RERE: variants seen among roughly 807,000 people sequenced by gnomAD.
RERE encodes the protein arginine-glutamic acid dipeptide repeats protein.
A neutral mutation model predicts 146.1 loss-of-function variants in RERE; 40 were observed. That is an observed-to-expected ratio of 0.27 (90% CI 0.21 to 0.36). The LOEUF (loss-of-function observed/expected upper bound fraction) is 0.36. Ranked by LOEUF, RERE falls within the 10% of genes least tolerant of loss-of-function variation. The pLI is 1.00. For missense variants in RERE, 1,933 were observed against 2,138.7 expected (o/e 0.90, Z 1.90); for synonymous variants, 1,003 against 866.0 (o/e 1.16, Z -2.78).
At chr1:8,464,506 T>C (rs567669329) in intron 11 of RERE, among the ~76,000 whole-genome samples, 126 of 152,198 alleles carry the variant, frequency 8.3e-4, no homozygotes, top group African/African-American at 2.9e-3. Flanking sequence ...CACTCCTCTG[T>C]TCAGAAGCTG....
intron 1 of RERE, among the ~76,000 whole-genome samples, chr1:8,815,176 G>A (rs1641886856): frequency 6.6e-6 from 1 of 152,148 alleles, no homozygotes; most frequent in African/African-American, 2.4e-5. Context: ...TCCCTGTCCA[G>A]TATTCAAAGG....
rs770179844 is a variant in RERE at position 8,360,546 on chromosome 1, G to C, written c.2961C>G (p.Pro987=). ...THHPPSAHPP[P]LQLMPQSQPL... is the part of the protein sequence containing the mutation. ...GCTGGCTCTGAGGCATGAGTTGCAG[G>C]GGTGGGGGGTGAGCCGACGGGGGGT... The change falls in exon 18 of 23, where the codon CCC becomes CCG. Residue 987 remains proline (P), a synonymous_variant. Transcript: ENST00000400908. 2 of 1,001,568 alleles carry C rather than the reference G, an allele frequency of 2.0e-6. No homozygotes were observed. The highest frequency in any genetic ancestry group is 3.2e-5 in the Admixed American group (1 of 31,342). The allele number at this position is 1,001,568 out of a possible 1,614,324, so 62.0% of individuals were successfully genotyped here.
intron 10 of RERE, among the ~76,000 whole-genome samples, chr1:8,483,045 G>GC (rs1325452454): frequency 6.6e-6 from 1 of 152,110 alleles, no homozygotes; most frequent in Non-Finnish European, 1.5e-5. Context: ...TAAAACACTG[G>GC]CAACAGTGCC....
chr1:8,364,192 T>C lies in RERE; in HGVS notation c.1604A>G (p.His535Arg), dbSNP rs200873679. Residue 535 changes from histidine (H) to arginine (R), a missense_variant, in exon 15 of 23, where the codon CAC becomes CGC. This residue lies in a region of RERE where 260 missense variants were observed against 378.4 expected (regional missense o/e 0.69). Transcript: ENST00000400908. This position sits in a 1 kb window ranked among gnomAD's most constrained non-coding sequence, Gnocchi z 5.1. ...NILLCTDCRI[H>R]FKKYGELPPI... ...CGGGAGCTCACCGTATTTCTTGAAG[T>C]GGATGCGACAGTCGGTGCAAAGCAG... The C allele has an allele frequency of 6.2e-7, 1 of 1,614,116 alleles. No individual in the cohort carries two copies.
intron 8 of RERE, among the ~76,000 whole-genome samples, chr1:8,507,737 C>CTTTTTTTTTTTTTTTTTTTTTTT (rs58647657): frequency 2.3e-5 from 2 of 85,958 alleles, no homozygotes; most frequent in African/African-American, 1.0e-4. Context: ...CATCTTTTAT[C>CTTTTTTTTTTTTTTTTTTTTTTT]TTTTTTTTTT....
intron 10 of RERE, among the ~76,000 whole-genome samples, chr1:8,482,091 G>A (rs949160823): frequency 2.6e-5 from 4 of 152,006 alleles, no homozygotes; most frequent in African/African-American, 9.7e-5. Flanking sequence ...AGTCACAAAA[G>A]GCCACTTATT....
rs181433540 is a variant in RERE at position 8,726,567 on chromosome 1, C to A, written c.-144-70126G>T. 2.0e-4 allele frequency among the ~76,000 whole-genome samples: 31 copies of A among 152,304 alleles called. 1 individual carries two copies. The South Asian group carries it at 4.3e-3, about 21-fold the overall frequency. On this transcript the variant is annotated intron_variant, in intron 1 of 22. Coordinates refer to ENST00000400908, the MANE Select transcript of RERE (RefSeq NM_001042681.2). ...GTAAGCCAAATCAGAGCACTTCTTT[C>A]CAAAACTCACATTTCTACCAAACCG...
At chr1:8,371,960 C>T (rs182290830) in intron 12 of RERE, among the ~76,000 whole-genome samples, 4 of 152,346 alleles carry the variant, frequency 2.6e-5, no homozygotes, top group Non-Finnish European at 4.4e-5. Context: ...AACAGGCCAA[C>T]TTACCTGTGC....
chr1:8,798,594 A>ACAG (rs1641526737), intron 1 of RERE: 1 of 220,658 alleles, frequency 4.5e-6, no homozygotes, highest in Non-Finnish European at 9.8e-6. Flanking sequence ...GATCGCCCTT[A>ACAG]CAGCCATGCT....
At chr1:8,782,862 C>T (rs530339957) in intron 1 of RERE, among the ~76,000 whole-genome samples, 8 of 152,216 alleles carry the variant, frequency 5.3e-5, no homozygotes, top group African/African-American at 1.7e-4. Flanking sequence ...GCCAAGACTG[C>T]GCCACTACAC....
rs540581946 is a variant in RERE, at chr1:8,628,568, T to C, written c.326-4188A>G. On this transcript the variant is annotated intron_variant, in intron 2 of 22. Coordinates refer to ENST00000400908, the MANE Select transcript of RERE (RefSeq NM_001042681.2). ...ATTCAAGTCTCACAGAAAAAAATTC[T>C]ACTTTATATTACTCTTAAAAATATT... 9.7e-4 allele frequency among the ~76,000 whole-genome samples: 148 copies of C among 152,308 alleles called. 2 individuals are homozygous for C. The highest frequency in any genetic ancestry group is 3.5e-3 in the African/African-American group (146 of 41,572).
chr1:8,743,195 A>T (rs1640346579), intron 1 of RERE, among the ~76,000 whole-genome samples: 1 of 152,082 alleles, frequency 6.6e-6, no homozygotes, highest in South Asian at 2.1e-4. Context: ...CAGGAGTTTG[A>T]GACCAACCTG....
In RERE at chr1:8,354,474, A is replaced by G. The variant is rs1420877176; in HGVS notation, c.*613T>C. ...TGTCAATAGTTGGTAGGAATTCACA[A>G]TTAGTGACATGGCTGGAAAAAATAG... On this transcript the variant is annotated 3_prime_UTR_variant, in exon 23 of 23. Transcript: ENST00000400908. 1 of 152,320 alleles carries G rather than the reference A, an allele frequency of 6.6e-6. No homozygotes were observed. The highest frequency in any genetic ancestry group is 1.5e-5 in the Non-Finnish European group (1 of 68,036). 9.4% of individuals were successfully genotyped at this position (152,320 alleles called of 1,614,324 possible). A position where few individuals can be genotyped will look rare whatever the true frequency, so the allele number is the denominator to read the frequency against.
intron 4 of RERE, among the ~76,000 whole-genome samples, chr1:8,574,468 C>T (rs1332095646): frequency 6.6e-6 from 1 of 151,588 alleles, no homozygotes; most frequent in Non-Finnish European, 1.5e-5. Context: ...CCTCAGCCTC[C>T]CGAGTAGCTG....
intron 12 of RERE, among the ~76,000 whole-genome samples, chr1:8,381,796 C>G (rs1295250029): frequency 1.3e-5 from 2 of 152,178 alleles, no homozygotes; most frequent in Non-Finnish European, 2.9e-5. Flanking sequence ...CTAATGTGCG[C>G]TTGGAATTTA....
chr1:8,361,869 T>C lies in RERE; in HGVS notation c.1910A>G (p.Lys637Arg), dbSNP rs768769950. 6.2e-7 allele frequency: 1 copy of C among 1,612,142 alleles called. No individual in the cohort carries two copies. Among genetic ancestry groups the C allele is most frequent in the South Asian group, 1.1e-5 (1 of 91,030 alleles). Residue 637 changes from lysine to arginine, a missense_variant, in exon 17 of 23, where the codon AAG (lysine) becomes AGG (arginine). Lys to Arg is a conservative substitution (Grantham distance 26). Coordinates refer to ENST00000400908, the MANE Select transcript of RERE (RefSeq NM_001042681.2). ...CTTAAGAGGGGAAGAGGCTTCCTCC[T>C]TCACCTTCTGCAGGGGAAAAGCCCA... ...ETVKKSAKKVKEEASSPLKSN... is the reference protein window; with the variant it reads ...ETVKKSAKKVREEASSPLKSN...
At chr1:8,508,577 A>C in intron 8 of RERE, 50 bp downstream of exon 8, 2 of 1,324,946 alleles carry the variant, frequency 1.5e-6, no homozygotes, top group Non-Finnish European at 2.2e-6. Context: ...GTGCCAGCAG[A>C]GTAATAAGAA....
intron 12 of RERE, among the ~76,000 whole-genome samples, chr1:8,384,360 T>G (rs1250238819): frequency 6.6e-6 from 1 of 152,150 alleles, no homozygotes; most frequent in Non-Finnish European, 1.5e-5. Context: ...GGTAAAGAGA[T>G]GTGCTGACGT....
chr1:8,707,665 AC>A (rs2124450803), intron 1 of RERE, among the ~76,000 whole-genome samples: 1 of 152,358 alleles, frequency 6.6e-6, no homozygotes, highest in African/African-American at 2.4e-5. Context: ...AACCATTCAG[AC>A]CAAGTAATTT....
Sources: allele counts gnomAD v4.1 joint callset (sites outside exome capture counted in the v4.1 genomes callset), GRCh38; gene constraint gnomAD v4.1.1; regional missense constraint gnomAD v4.1.1; non-coding constraint Gnocchi (gnomAD v3.1); transcripts MANE v1.5; gene names NCBI Gene and HGNC (gene_info 2026-07-23, HGNC 2026-07-21).